Variants in ARB2A observed in about 807,000 individuals in gnomAD.
ARB2A encodes the protein ARB2 cotranscriptional regulator A, also known as cotranscriptional regulator ARB2A.
At chr5:93,629,876 G>A in the ARB2A span, among the ~76,000 whole-genome samples, 1 of 152,102 alleles carries the variant, frequency 6.6e-6, no homozygotes, top group Non-Finnish European at 1.5e-5. Context: ...GGGCAATTAG[G>A]AAGTAATGAA....
chr5:93,910,333 A>T, the ARB2A span, among the ~76,000 whole-genome samples: 1 of 151,168 alleles, frequency 6.6e-6, no homozygotes, highest in Non-Finnish European at 1.5e-5. Context: ...AAAAGAATAT[A>T]AAGACCAAAA....
At chr5:93,954,266 C>T in the ARB2A span, among the ~76,000 whole-genome samples, 1 of 152,048 alleles carries the variant, frequency 6.6e-6, no homozygotes, top group African/African-American at 2.4e-5. Context: ...TCAGTCTCAC[C>T]CAAGACACAT....
the ARB2A span, among the ~76,000 whole-genome samples, chr5:93,847,514 T>G: frequency 6.6e-6 from 1 of 152,004 alleles, no homozygotes; most frequent in Non-Finnish European, 1.5e-5. Flanking sequence ...ATAAGAAAAA[T>G]AATTATATTT....
At chr5:93,949,187 T>C in the ARB2A span, among the ~76,000 whole-genome samples, 1 of 152,056 alleles carries the variant, frequency 6.6e-6, no homozygotes, top group South Asian at 2.1e-4. Context: ...CCTAGGTGTA[T>C]ATATTTACTG....
the ARB2A span, chr5:93,964,596 T>C: frequency 2.9e-6 from 3 of 1,037,606 alleles, no homozygotes; most frequent in Admixed American, 5.0e-5. Context: ...TTTTGGTAAA[T>C]TGTTGCAAGT....
At chr5:93,718,423 C>A in the ARB2A span, among the ~76,000 whole-genome samples, 3 of 151,494 alleles carry the variant, frequency 2.0e-5, no homozygotes, top group Non-Finnish European at 1.5e-5. Flanking sequence ...GGCAATGGAG[C>A]GAGACTCCGT....
chr5:93,824,643 G>C, the ARB2A span, among the ~76,000 whole-genome samples: 3 of 152,026 alleles, frequency 2.0e-5, no homozygotes, highest in Non-Finnish European at 4.4e-5. Context: ...GAAGAAAAGT[G>C]ATGCCCTTAA....
chr5:94,014,938 C>T, the ARB2A span, among the ~76,000 whole-genome samples: 1 of 149,880 alleles, frequency 6.7e-6, no homozygotes, highest in African/African-American at 2.5e-5. Flanking sequence ...TATTGGTGTT[C>T]AAGAGGGAGC....
At chr5:94,047,690 A>C in the ARB2A span, among the ~76,000 whole-genome samples, 2 of 152,184 alleles carry the variant, frequency 1.3e-5, no homozygotes, top group Non-Finnish European at 2.9e-5. Context: ...ACCAAAAATA[A>C]ATCTGTGTGC....
the ARB2A span, among the ~76,000 whole-genome samples, chr5:94,080,231 G>T: frequency 6.6e-6 from 1 of 152,018 alleles, no homozygotes. Context: ...AGGCAATTAT[G>T]AGCATCATAT....
chr5:94,040,904 C>T, the ARB2A span, among the ~76,000 whole-genome samples: 9 of 152,214 alleles, frequency 5.9e-5, no homozygotes, highest in African/African-American at 2.2e-4. Context: ...TGTTTCGTCA[C>T]ACGTATTTTG....
chr5:94,047,043 C>A, the ARB2A span, among the ~76,000 whole-genome samples: 5 of 152,148 alleles, frequency 3.3e-5, no homozygotes, highest in Non-Finnish European at 5.9e-5. Context: ...ACTGTAATAA[C>A]CAGACTTTCT....
chr5:94,048,195 CA>C, the ARB2A span, among the ~76,000 whole-genome samples: 2 of 151,322 alleles, frequency 1.3e-5, no homozygotes, highest in Non-Finnish European at 2.9e-5. Flanking sequence ...GCTGGGATTA[CA>C]GGGGCGCAAC....
At chr5:93,947,240 G>C in the ARB2A span, among the ~76,000 whole-genome samples, 1 of 152,084 alleles carries the variant, frequency 6.6e-6, no homozygotes, top group Non-Finnish European at 1.5e-5. Flanking sequence ...GGTTTCATTG[G>C]TCCAGAATTC....
the ARB2A span, among the ~76,000 whole-genome samples, chr5:93,629,874 A>G: frequency 2.3e-3 from 356 of 152,326 alleles, no homozygotes; most frequent in Admixed American, 4.6e-3. Context: ...ATGGGCAATT[A>G]GGAAGTAATG....
chr5:93,892,813 A>G, the ARB2A span, among the ~76,000 whole-genome samples: 1 of 152,170 alleles, frequency 6.6e-6, no homozygotes, highest in Non-Finnish European at 1.5e-5. Flanking sequence ...ACTTAGTCCC[A>G]CAAAATGTCT....
chr5:93,650,292 T>C, the ARB2A span, among the ~76,000 whole-genome samples: 3 of 152,254 alleles, frequency 2.0e-5, no homozygotes, highest in African/African-American at 4.8e-5. Context: ...GTGCTAAAAA[T>C]AGAATACTTT....
At chr5:93,836,083 A>C in the ARB2A span, among the ~76,000 whole-genome samples, 1 of 152,142 alleles carries the variant, frequency 6.6e-6, no homozygotes, top group East Asian at 1.9e-4. Flanking sequence ...GCTGGAGTGC[A>C]GTGGTGCAAT....
At chr5:93,912,490 T>A in the ARB2A span, among the ~76,000 whole-genome samples, 2 of 151,748 alleles carry the variant, frequency 1.3e-5, no homozygotes, top group African/African-American at 2.4e-5. Flanking sequence ...CTAGTTTCCA[T>A]CCACTTACCT....
Sources: allele counts gnomAD v4.1 joint callset (sites outside exome capture counted in the v4.1 genomes callset), GRCh38; gene constraint gnomAD v4.1.1; transcripts MANE v1.5; gene names NCBI Gene and HGNC (gene_info 2026-07-23, HGNC 2026-07-21).